ARB2A: variants seen among roughly 807,000 people sequenced by gnomAD.
ARB2A encodes the protein cotranscriptional regulator ARB2A.
the ARB2A span, among the ~76,000 whole-genome samples, chr5:93,993,015 C>T: frequency 7.2e-5 from 11 of 151,960 alleles, no homozygotes; most frequent in Non-Finnish European, 5.9e-5. Context: ...GATCTGCACA[C>T]GATTTTAGAA....
At chr5:93,919,076 G>A in the ARB2A span, among the ~76,000 whole-genome samples, 2 of 152,158 alleles carry the variant, frequency 1.3e-5, no homozygotes, top group East Asian at 3.9e-4. Context: ...ATTTTTCAAA[G>A]ATTCCACAGG....
the ARB2A span, among the ~76,000 whole-genome samples, chr5:93,873,449 G>A: frequency 2.7e-5 from 4 of 147,080 alleles, no homozygotes; most frequent in South Asian, 8.4e-4. Context: ...GGAAAGGAAA[G>A]GAAAAGGAAA....
At chr5:94,070,793 T>A in the ARB2A span, among the ~76,000 whole-genome samples, 27 of 152,142 alleles carry the variant, frequency 1.8e-4, no homozygotes, top group African/African-American at 4.8e-4. Flanking sequence ...GAAAGATGTA[T>A]ATATGGCATA....
the ARB2A span, among the ~76,000 whole-genome samples, chr5:93,905,480 GA>G: frequency 2.0e-5 from 3 of 151,408 alleles, 1 homozygote; most frequent in African/African-American, 4.8e-5. Flanking sequence ...AACTTTTTCG[GA>G]AAAAAATCTA....
the ARB2A span, among the ~76,000 whole-genome samples, chr5:94,076,272 A>G: frequency 1.3e-5 from 2 of 152,212 alleles, no homozygotes; most frequent in Non-Finnish European, 2.9e-5. Flanking sequence ...AGATATTCTA[A>G]AAGGAATACC....
At chr5:93,934,011 AC>A in the ARB2A span, among the ~76,000 whole-genome samples, 2 of 151,962 alleles carry the variant, frequency 1.3e-5, no homozygotes, top group Non-Finnish European at 2.9e-5. Flanking sequence ...TCTCAAACAA[AC>A]AAAAAAAAGG....
At chr5:93,911,945 C>T in the ARB2A span, among the ~76,000 whole-genome samples, 2 of 151,698 alleles carry the variant, frequency 1.3e-5, no homozygotes, top group Admixed American at 6.6e-5. Context: ...TACTCTTTCT[C>T]AAACAATCAC....
the ARB2A span, among the ~76,000 whole-genome samples, chr5:94,087,988 TTAAG>T: frequency 2.6e-5 from 4 of 152,306 alleles, no homozygotes; most frequent in African/African-American, 9.6e-5. Flanking sequence ...ATCCCCAACA[TTAAG>T]TGACTCATGA....
At chr5:93,914,681 C>T in the ARB2A span, among the ~76,000 whole-genome samples, 1 of 151,576 alleles carries the variant, frequency 6.6e-6, no homozygotes, top group East Asian at 1.9e-4. Context: ...AATTTATATC[C>T]CAAATCCGGA....
At chr5:94,095,790 G>A in the ARB2A span, among the ~76,000 whole-genome samples, 1 of 152,022 alleles carries the variant, frequency 6.6e-6, no homozygotes, top group Non-Finnish European at 1.5e-5. Context: ...CCTCAAATAT[G>A]AAGTCTAGAT....
the ARB2A span, chr5:93,733,090 A>C: frequency 5.0e-4 from 76 of 152,234 alleles, no homozygotes; most frequent in African/African-American, 1.7e-3. Flanking sequence ...ACCCTTTGTT[A>C]AACATTTAGG....
At chr5:94,046,564 A>C in the ARB2A span, among the ~76,000 whole-genome samples, 6 of 152,160 alleles carry the variant, frequency 3.9e-5, no homozygotes, top group Non-Finnish European at 7.3e-5. Flanking sequence ...TTAACTGCCC[A>C]GTAGATAAGG....
the ARB2A span, among the ~76,000 whole-genome samples, chr5:93,700,796 T>C: frequency 6.6e-6 from 1 of 152,114 alleles, no homozygotes; most frequent in East Asian, 1.9e-4. Flanking sequence ...TAAATAAAAA[T>C]ATATAACAAA....
chr5:94,095,541 C>T, the ARB2A span, among the ~76,000 whole-genome samples: 4 of 151,736 alleles, frequency 2.6e-5, no homozygotes, highest in African/African-American at 9.7e-5. Context: ...ATTGCAAATT[C>T]CTTTTAGTTT....
the ARB2A span, among the ~76,000 whole-genome samples, chr5:93,915,028 CATAAATGTAAAAGGTAGAGGAA>C: frequency 1.3e-5 from 2 of 151,908 alleles, no homozygotes; most frequent in Non-Finnish European, 1.5e-5. Context: ...ACCTCTTTCC[CATAAATGTAAAAGGTAGAGGAA>C]AAAAGTAGAA....
chr5:93,949,454 G>A, the ARB2A span, among the ~76,000 whole-genome samples: 1 of 151,980 alleles, frequency 6.6e-6, no homozygotes, highest in African/African-American at 2.4e-5. Flanking sequence ...CCAGCTACTT[G>A]GGAGGCTGAG....
At chr5:93,987,772 C>A in the ARB2A span, among the ~76,000 whole-genome samples, 1 of 152,084 alleles carries the variant, frequency 6.6e-6, no homozygotes, top group Non-Finnish European at 1.5e-5. Context: ...TATTGTATCC[C>A]ACCCTTTCTT....
chr5:94,101,068 G>A, the ARB2A span, among the ~76,000 whole-genome samples: 1 of 151,570 alleles, frequency 6.6e-6, no homozygotes. Flanking sequence ...AGATTCAGGA[G>A]AAAGTCCAGC....
the ARB2A span, among the ~76,000 whole-genome samples, chr5:93,707,291 C>G: frequency 1.3e-5 from 2 of 152,082 alleles, no homozygotes; most frequent in African/African-American, 4.8e-5. Flanking sequence ...CCAAAAGCAG[C>G]CAGGTTTTCT....
Sources: allele counts gnomAD v4.1 joint callset (sites outside exome capture counted in the v4.1 genomes callset), GRCh38; gene constraint gnomAD v4.1.1; transcripts MANE v1.5; gene names NCBI Gene and HGNC (gene_info 2026-07-23, HGNC 2026-07-21).